FUT8: variants seen among roughly 807,000 people sequenced by gnomAD.
The protein encoded by FUT8 is alpha-(1,6)-fucosyltransferase.
FUT8 carries 29 observed loss-of-function variants against 71.3 expected under a neutral mutation model. The ratio of observed to expected loss-of-function variants is 0.41; its 90% CI spans 0.30 to 0.55. The LOEUF (loss-of-function observed/expected upper bound fraction) is 0.55, where lower values mean the gene tolerates loss of function less well. Among genes scored for constraint, FUT8 ranks in the 20% least tolerant of loss-of-function variants. The probability of loss-of-function intolerance (pLI) is 0.34; values close to 1 mark genes in which losing one functional copy is unlikely to be tolerated. For synonymous variants in FUT8, 254 were observed against 239.3 expected, an observed-to-expected ratio of 1.06 and a Z score of -0.57; for missense variants, 544 against 702.1, an observed-to-expected ratio of 0.77 and a Z score of 2.55.
chr14:65,519,960 G>A (rs1882970796), intron 2 of FUT8, among the ~76,000 whole-genome samples: 1 of 151,938 alleles, frequency 6.6e-6, no homozygotes, highest in Non-Finnish European at 1.5e-5. Flanking sequence ...TGTAATTTTT[G>A]TAGAGGCCGG....
intron 2 of FUT8, among the ~76,000 whole-genome samples, chr14:65,512,966 T>C (rs1882461827): frequency 6.7e-6 from 1 of 150,186 alleles, no homozygotes; most frequent in Non-Finnish European, 1.5e-5. Flanking sequence ...TCCAAGACCA[T>C]CCTTTTCTTA....
rs80347726 is a variant in FUT8 at position 65,648,878 on chromosome 14, G to A, written c.597+19272G>A. On this transcript the variant is annotated intron_variant, in intron 6 of 10. Coordinates refer to ENST00000673929, the MANE Select transcript of FUT8 (RefSeq NM_001371533.1). The stretch of plus-strand genomic sequence containing the variant: ...CTATTATGGTCATGCTATCACAAGA[G>A]GGTCTAGGATCTAACAGCCAGAAAG... Among the ~76,000 whole-genome samples the A allele has an allele frequency of 5.8e-3, 877 of 152,260 alleles. 31 individuals are homozygous for A. The East Asian group carries it at 0.093, about 16-fold the overall frequency.
At chr14:65,580,192 G>A (rs1393635646) in intron 3 of FUT8, among the ~76,000 whole-genome samples, 3 of 151,142 alleles carry the variant, frequency 2.0e-5, no homozygotes, top group African/African-American at 4.9e-5. Flanking sequence ...ATCATAGAGT[G>A]TAGTAGGCTA....
intron 3 of FUT8, among the ~76,000 whole-genome samples, chr14:65,586,237 A>G (rs1887372116): frequency 6.6e-6 from 1 of 152,182 alleles, no homozygotes; most frequent in African/African-American, 2.4e-5. Flanking sequence ...CATTTCAAAG[A>G]GGGGGAAATC....
Position 65,647,889 on chromosome 14 carries a change from A to G in FUT8, c.597+18283A>G, listed in dbSNP as rs1161452210. 2.6e-5 allele frequency among the ~76,000 whole-genome samples: 4 copies of G among 152,170 alleles called. No individual in the cohort carries two copies. The East Asian group carries it at 7.7e-4, about 29-fold the overall frequency. On this transcript the variant is annotated intron_variant, in intron 6 of 10. Transcript: ENST00000673929. ...TGTCTCATTAAAGGTTAAAAAAAAA[A>G]AAGAAGTCTCAGAAGTTATATTAAA...
intron 3 of FUT8, among the ~76,000 whole-genome samples, chr14:65,579,816 G>A (rs6573615): frequency 0.61 from 91,906 of 151,714 alleles, 27,993 homozygotes; most frequent in East Asian, 0.76. Context: ...TTGCTATGCC[G>A]TAATCCTTTT....
chr14:65,388,728 C>T, the FUT8 span, among the ~76,000 whole-genome samples: 2 of 152,074 alleles, frequency 1.3e-5, no homozygotes, highest in Non-Finnish European at 2.9e-5. Context: ...CGCCACTGCA[C>T]TCCAGCCTGG....
chr14:65,464,240 T>G (rs2066007934), intron 2 of FUT8, among the ~76,000 whole-genome samples: 1 of 151,216 alleles, frequency 6.6e-6, no homozygotes. Context: ...TTCCAGGAGT[T>G]TGTTGGTCAG....
intron 2 of FUT8, among the ~76,000 whole-genome samples, chr14:65,525,236 T>G (rs1348805934): frequency 6.6e-6 from 1 of 152,246 alleles, no homozygotes; most frequent in Non-Finnish European, 1.5e-5. Flanking sequence ...TGCCTCAATT[T>G]CAGAGCCTGT....
intron 3 of FUT8, among the ~76,000 whole-genome samples, chr14:65,609,151 C>T (rs1393193115): frequency 6.6e-5 from 10 of 151,670 alleles, no homozygotes; most frequent in African/African-American, 1.7e-4. Flanking sequence ...AAAAATTAGC[C>T]GGGTGTGGTG....
chr14:65,380,917 G>A, the FUT8 span, among the ~76,000 whole-genome samples: 1 of 152,228 alleles, frequency 6.6e-6, no homozygotes, highest in East Asian at 1.9e-4. Flanking sequence ...CTGGTTGCCT[G>A]TACCACATGG....
intron 5 of FUT8, among the ~76,000 whole-genome samples, chr14:65,622,910 GTT>G (rs33918554): frequency 1.6e-5 from 2 of 128,870 alleles, no homozygotes; most frequent in Admixed American, 8.3e-5. Context: ...GAGCTTCTCT[GTT>G]TTTTTTTTTT....
At position 65,526,440 on chromosome 14, in the gene FUT8, T is replaced by C. The variant is rs1453934526; in HGVS notation, c.-227-34897T>C. On this transcript the variant is annotated intron_variant, in intron 2 of 10. Transcript: ENST00000673929. ...GTAGATCTTCCTCCATCCCTTTATT[T>C]TGAGCCTACGTGTGTCTCTTCATGT... is the stretch of plus-strand genomic sequence containing the variant. 2.6e-5 allele frequency among the ~76,000 whole-genome samples: 4 copies of C among 152,350 alleles called. No homozygotes were observed. The East Asian group carries it at 7.7e-4, about 29-fold the overall frequency.
At chr14:65,693,532 G>A (rs71422404) in intron 7 of FUT8, among the ~76,000 whole-genome samples, 2 of 152,184 alleles carry the variant, frequency 1.3e-5, no homozygotes, top group Non-Finnish European at 2.9e-5. Flanking sequence ...AGACCGTGGG[G>A]AGAGGGAGAG....
intron 6 of FUT8, among the ~76,000 whole-genome samples, chr14:65,642,638 C>T (rs1217377351): frequency 6.7e-6 from 1 of 149,442 alleles, no homozygotes; most frequent in Non-Finnish European, 1.5e-5. Context: ...ATTGACCATA[C>T]ATGTGTGTCA....
intron 8 of FUT8, among the ~76,000 whole-genome samples, 189 bp downstream of exon 8, chr14:65,722,210 G>A (rs1895454379): frequency 6.6e-6 from 1 of 152,248 alleles, no homozygotes; most frequent in Admixed American, 6.5e-5. Flanking sequence ...GAACAGCTAA[G>A]AAAGTTGCTT....
chr14:65,486,533 C>T (rs1313356399), intron 2 of FUT8, among the ~76,000 whole-genome samples: 2 of 152,096 alleles, frequency 1.3e-5, no homozygotes, highest in Non-Finnish European at 2.9e-5. Context: ...TGGAGGCTTA[C>T]TGAAATATTG....
chr14:65,646,034 C>T (rs1049730869), intron 6 of FUT8: 12 of 152,308 alleles, frequency 7.9e-5, no homozygotes, highest in African/African-American at 2.4e-4. Flanking sequence ...GAGATGGCAC[C>T]GAATCCTGAG....
chr14:65,560,264 CTT>C (rs1832002049), intron 2 of FUT8, among the ~76,000 whole-genome samples: 2 of 152,042 alleles, frequency 1.3e-5, no homozygotes, highest in African/African-American at 4.8e-5. Flanking sequence ...TTTTTTCTCT[CTT>C]CTCTTGTATA....
Sources: gnomAD v4.1 joint callset for allele counts (sites outside exome capture counted in the v4.1 genomes callset) on GRCh38, gnomAD v4.1.1 for gene constraint, MANE v1.5 for transcripts, NCBI Gene and HGNC (gene_info 2026-07-23, HGNC 2026-07-21) for gene names.